The following IL23R variants were observed in gnomAD, a reference collection of about 807,000 sequenced individuals.
The protein encoded by IL23R is interleukin 23 receptor.
In IL23R, 34 loss-of-function variants were observed where a neutral mutation model predicts 56.9. That is an observed-to-expected ratio of 0.60 (90% confidence interval 0.45 to 0.80). IL23R has a LOEUF of 0.80. Ranked by LOEUF, IL23R falls within the 30% of genes least tolerant of loss-of-function variation. The probability of loss-of-function intolerance (pLI) is 0.00; values close to 1 mark genes in which losing one functional copy is unlikely to be tolerated. For synonymous variants in IL23R, 230 were observed against 249.2 expected (o/e 0.92, Z 0.73); for missense variants, 635 against 730.0 (o/e 0.87, Z 1.50).
intron 9 of IL23R, among the ~76,000 whole-genome samples, chr1:67,251,491 A>T (rs1396647833): frequency 6.6e-6 from 1 of 152,158 alleles, no homozygotes. Flanking sequence ...GGCCTTTTAA[A>T]TATACCTATA....
chr1:67,260,287 G>T (rs1653160959), downstream of IL23R, among the ~76,000 whole-genome samples: 1 of 152,094 alleles, frequency 6.6e-6, no homozygotes, highest in African/African-American at 2.4e-5. Flanking sequence ...TGGCATAGTT[G>T]GGATATTATT....
At chr1:67,212,747 A>G (rs747192567) in intron 6 of IL23R, among the ~76,000 whole-genome samples, 3 of 152,094 alleles carry the variant, frequency 2.0e-5, no homozygotes, top group Non-Finnish European at 2.9e-5. Context: ...GGGTTGTGTC[A>G]TGTTGCCCAG....
chr1:67,195,217 G>T (rs1648046070), intron 4 of IL23R, among the ~76,000 whole-genome samples: 1 of 152,000 alleles, frequency 6.6e-6, no homozygotes, highest in African/African-American at 2.4e-5. Flanking sequence ...ATTTTTAGTA[G>T]AGACAGGGTT....
intron 8 of IL23R, among the ~76,000 whole-genome samples, chr1:67,238,734 G>A (rs896237159): frequency 2.0e-4 from 31 of 152,194 alleles, no homozygotes; most frequent in African/African-American, 7.5e-4. Context: ...CCTGAGGGCT[G>A]TCTATCCTCT....
chr1:67,172,321 T>A (rs4655686), intron 3 of IL23R, among the ~76,000 whole-genome samples: 43,320 of 152,076 alleles, frequency 0.28, 6,662 homozygotes, highest in Admixed American at 0.43. Context: ...TTATATGTAT[T>A]TTTTTAGACT....
rs902928531 is a variant in IL23R, at chr1:67,167,712, T to C, written c.-29-380T>C. On this transcript the variant is annotated intron_variant, in intron 1 of 10. Transcript: ENST00000347310. ...GCACTCCAGCCTGGGCTACAGAGCC[T>C]GGCCCTTGTCTCTAAAAAAATTTAA... is the stretch of plus-strand genomic sequence containing the variant. Among the ~76,000 whole-genome samples, 6 of 152,120 alleles carry C rather than the reference T, an allele frequency of 3.9e-5. No homozygotes were observed. In the East Asian group the frequency reaches 1.2e-3, roughly 29 times the overall value.
intron 10 of IL23R, among the ~76,000 whole-genome samples, chr1:67,256,580 A>C (rs188290139): frequency 6.6e-6 from 1 of 152,188 alleles, no homozygotes; most frequent in Non-Finnish European, 1.5e-5. Flanking sequence ...ACCCAGTCCA[A>C]GGGACAAACA....
intron 4 of IL23R, among the ~76,000 whole-genome samples, chr1:67,191,222 C>T (rs2102603042): frequency 6.6e-6 from 1 of 152,316 alleles, no homozygotes; most frequent in African/African-American, 2.4e-5. Flanking sequence ...CATCTCTCCT[C>T]TCTAGTATCT....
intron 1 of IL23R, 31 bp from the exon 2 acceptor site, chr1:67,168,061 A>G (rs1646894828): frequency 1.7e-6 from 2 of 1,201,030 alleles, no homozygotes; most frequent in Non-Finnish European, 2.5e-6. Flanking sequence ...AAAATACTAC[A>G]ATTTAAACAT....
chr1:67,185,799 T>A (rs1382648236), intron 4 of IL23R, among the ~76,000 whole-genome samples: 1 of 152,188 alleles, frequency 6.6e-6, no homozygotes, highest in African/African-American at 2.4e-5. Context: ...CAGAGGCATA[T>A]TCTGGTACCA....
chr1:67,166,346 G>A (rs2102550870), upstream of IL23R: 1 of 152,432 alleles, frequency 6.6e-6, no homozygotes, highest in Admixed American at 6.5e-5. Flanking sequence ...CAGTCATTTC[G>A]AATTGGACAG....
chr1:67,260,146 T>C (rs1174087070), downstream of IL23R, among the ~76,000 whole-genome samples: 2 of 152,034 alleles, frequency 1.3e-5, no homozygotes, highest in African/African-American at 4.8e-5. Context: ...ATTATTTTTT[T>C]CCCCTACTCT....
chr1:67,218,358 G>GTGTGTGTGTGTGTATATATA (rs1553293307), intron 6 of IL23R, among the ~76,000 whole-genome samples: 1 of 137,858 alleles, frequency 7.3e-6, no homozygotes, highest in Non-Finnish European at 1.5e-5. Flanking sequence ...GTGTGTGTGT[G>GTGTGTGTGTGTGTATATATA]TATATATATA....
rs1650732230 is a variant in IL23R, at chr1:67,227,940, A to ATCTTTCTTTCTTTCTCTTTCTTTCTT, written c.955+8225_955+8226insCTTTCTTTCTTTCTTTCTTTCTTTCT. Among the ~76,000 whole-genome samples the ATCTTTCTTTCTTTCTCTTTCTTTCTT allele has an allele frequency of 5.3e-5, 2 of 37,434 alleles. 1 individual carries two copies. Among genetic ancestry groups the ATCTTTCTTTCTTTCTCTTTCTTTCTT allele is most frequent in the African/African-American group, 1.6e-4 (2 of 12,210 alleles). 24.6% of individuals were successfully genotyped at this position (37,434 alleles called of 152,430 possible). On this transcript the variant is annotated intron_variant, in intron 7 of 10. Coordinates refer to ENST00000347310, the MANE Select transcript of IL23R (RefSeq NM_144701.3). Reference sequence around the variant, plus strand: ...TGCAACCTATTACTACAGAACAAAGATCTTTCTTTCTTTCTTTCTTTCTTT... The same window carrying ATCTTTCTTTCTTTCTCTTTCTTTCTT: ...TGCAACCTATTACTACAGAACAAAGATCTTTCTTTCTTTCTCTTTCTTTCTTTCTTTCTTTCTTTCTTTCTTTCTTT...
At position 67,259,415 on chromosome 1, in the gene IL23R, A is replaced by C; in HGVS notation, c.*287A>C. 2.5e-6 allele frequency: 1 copy of C among 405,876 alleles called. No homozygotes were observed. Among genetic ancestry groups the C allele is most frequent in the Non-Finnish European group, 4.5e-6 (1 of 222,466 alleles). 25.1% of individuals were successfully genotyped at this position (405,876 alleles called of 1,614,324 possible). A position where few individuals can be genotyped will look rare whatever the true frequency, so the allele number is the denominator to read the frequency against. Reference sequence around the variant, plus strand: ...ATTCCCGGGAGCTCCATGCCTTTTTAATTTTAGCCATTCTTCTGCCTCATT... The same window carrying C: ...ATTCCCGGGAGCTCCATGCCTTTTTCATTTTAGCCATTCTTCTGCCTCATT... On this transcript the variant is annotated 3_prime_UTR_variant, in exon 11 of 11. Coordinates refer to ENST00000347310, the MANE Select transcript of IL23R (RefSeq NM_144701.3).
intron 10 of IL23R, among the ~76,000 whole-genome samples, chr1:67,256,586 A>G (rs1652965747): frequency 6.6e-6 from 1 of 152,208 alleles, no homozygotes; most frequent in African/African-American, 2.4e-5. Flanking sequence ...TCCAAGGGAC[A>G]AACACATCAT....
At chr1:67,158,543 A>T (rs1431420584) in intron 1 of IL23R, among the ~76,000 whole-genome samples, 1 of 152,196 alleles carries the variant, frequency 6.6e-6, no homozygotes, top group Non-Finnish European at 1.5e-5. Context: ...GGCAACTCAC[A>T]GGTTGTTGCC....
chr1:67,253,675 A>G (rs898746626), intron 9 of IL23R, among the ~76,000 whole-genome samples: 1 of 152,204 alleles, frequency 6.6e-6, no homozygotes, highest in Non-Finnish European at 1.5e-5. Flanking sequence ...GCAAACTAAT[A>G]CGGAATTTTA....
chr1:67,222,102 C>CTTTCTTTTTTTTTTTTTTT, intron 7 of IL23R, among the ~76,000 whole-genome samples: 1 of 58,890 alleles, frequency 1.7e-5, no homozygotes, highest in African/African-American at 6.3e-5. Context: ...TTCTTTCTTT[C>CTTTCTTTTTTTTTTTTTTT]TTTTTTTTTT....
Sources: allele counts gnomAD v4.1 joint callset (sites outside exome capture counted in the v4.1 genomes callset), GRCh38; gene constraint gnomAD v4.1.1; transcripts MANE v1.5; gene names NCBI Gene and HGNC (gene_info 2026-07-23, HGNC 2026-07-21).